Variants in KPNA3 observed in about 807,000 individuals in gnomAD.
The protein encoded by KPNA3 is importin subunit alpha-4.
In KPNA3, 13 loss-of-function variants were observed where a neutral mutation model predicts 73.8. That is an observed-to-expected ratio of 0.18 (90% CI 0.11 to 0.28). The LOEUF (loss-of-function observed/expected upper bound fraction) is 0.28. Ranked by LOEUF, KPNA3 falls within the 10% of genes least tolerant of loss-of-function variation. KPNA3 has a pLI of 1.00. For synonymous variants in KPNA3, 186 were observed against 206.9 expected, an observed-to-expected ratio of 0.90 and a Z score of 0.87; for missense variants, 360 against 618.1, an observed-to-expected ratio of 0.58 and a Z score of 4.43.
At chr13:49,709,789 G>A in intron 11 of KPNA3, 89 bp from the exon 12 acceptor site, 4 of 1,241,344 alleles carry the variant, frequency 3.2e-6, no homozygotes, top group Non-Finnish European at 4.4e-6. Flanking sequence ...AAGTAAAAAT[G>A]CAAGGCATAA....
At chr13:49,738,523 T>C (rs888175284) in intron 2 of KPNA3, among the ~76,000 whole-genome samples, 4 of 152,258 alleles carry the variant, frequency 2.6e-5, no homozygotes, top group Non-Finnish European at 5.9e-5. Context: ...TCTTGTTTCA[T>C]GTCTTTCACC....
chr13:49,755,711 A>T (rs1954704908), intron 1 of KPNA3, among the ~76,000 whole-genome samples: 1 of 152,174 alleles, frequency 6.6e-6, no homozygotes, highest in Non-Finnish European at 1.5e-5. Flanking sequence ...GAATCGCTTG[A>T]ACCCAGGAGG....
chr13:49,767,111 T>C (rs1479862458), intron 1 of KPNA3, among the ~76,000 whole-genome samples: 9 of 151,928 alleles, frequency 5.9e-5, no homozygotes, highest in Non-Finnish European at 1.0e-4. Flanking sequence ...CATGAAATAA[T>C]TTAATACAAG....
In KPNA3 at chr13:49,748,291, A is replaced by G. The variant is rs79296862; in HGVS notation, c.70-1298T>C. On this transcript the variant is annotated intron_variant, in intron 1 of 16. Transcript: ENST00000261667. ...ATGAAAATAAAAATAAGTTTGAGAT[A>G]GATGTTTTGTATCAAAAGGTAAGGT... Among the ~76,000 whole-genome samples, 175 of 152,130 alleles carry G rather than the reference A, an allele frequency of 1.2e-3. 1 individual carries two copies. Among genetic ancestry groups the G allele is most frequent in the African/African-American group, 4.1e-3 (168 of 41,392 alleles).
At chr13:49,778,930 T>C (rs1954919718) in intron 1 of KPNA3, among the ~76,000 whole-genome samples, 1 of 152,190 alleles carries the variant, frequency 6.6e-6, no homozygotes, top group Non-Finnish European at 1.5e-5. Flanking sequence ...AAGTGTGTTA[T>C]GATAAAACAC....
chr13:49,701,863 T>G lies in KPNA3; in HGVS notation c.1503A>C (p.Thr501=). 6.2e-7 allele frequency: 1 copy of G among 1,613,586 alleles called. No homozygotes were observed. The highest frequency in any genetic ancestry group is 8.5e-7 in the Non-Finnish European group (1 of 1,179,536). ...DEDPCLIPEA[T]QGGTYNFDPT... Reference sequence around the variant, plus strand: ...GATCAAAATTGTAGGTACCTCCTTGTGTTGCTTCAGGAATGAGGCAGGGAT... The same window carrying G: ...GATCAAAATTGTAGGTACCTCCTTGGGTTGCTTCAGGAATGAGGCAGGGAT... The change falls in exon 17 of 17, where the codon ACA becomes ACC. Residue 501 remains threonine (T), a synonymous_variant. Coordinates refer to ENST00000261667, the MANE Select transcript of KPNA3 (RefSeq NM_002267.4).
At chr13:49,782,040 C>T (rs1290788529) in intron 1 of KPNA3, among the ~76,000 whole-genome samples, 1 of 152,192 alleles carries the variant, frequency 6.6e-6, no homozygotes, top group African/African-American at 2.4e-5. Context: ...GTCTCAGTAT[C>T]AGCTCACTCA....
At chr13:49,743,895 T>C (rs990692711) in intron 2 of KPNA3, among the ~76,000 whole-genome samples, 2 of 152,184 alleles carry the variant, frequency 1.3e-5, no homozygotes, top group African/African-American at 4.8e-5. Flanking sequence ...CAGATGGCAA[T>C]AATTACTAAT....
At chr13:49,750,236 C>A (rs1364972144) in intron 1 of KPNA3, among the ~76,000 whole-genome samples, 2 of 152,180 alleles carry the variant, frequency 1.3e-5, no homozygotes, top group African/African-American at 4.8e-5. Flanking sequence ...TAGGTCCCAA[C>A]AGGAATGGTT....
intron 7 of KPNA3, among the ~76,000 whole-genome samples, chr13:49,724,798 T>A (rs1346962397): frequency 1.3e-5 from 2 of 152,104 alleles, no homozygotes; most frequent in African/African-American, 2.4e-5. Flanking sequence ...GATTTTGTCA[T>A]GTCACCTAGG....
chr13:49,721,008 C>A (rs1355548435), intron 9 of KPNA3, among the ~76,000 whole-genome samples: 3 of 152,010 alleles, frequency 2.0e-5, no homozygotes, highest in Non-Finnish European at 4.4e-5. Flanking sequence ...CACTTCAGGT[C>A]AGGAGTTTGA....
intron 1 of KPNA3, among the ~76,000 whole-genome samples, chr13:49,770,339 C>T (rs1054617827): frequency 1.4e-4 from 22 of 151,836 alleles, no homozygotes; most frequent in African/African-American, 5.3e-4. Context: ...CCACACCAGG[C>T]AAATTTTTAA....
intron 1 of KPNA3, among the ~76,000 whole-genome samples, chr13:49,752,006 C>T (rs1954667231): frequency 6.6e-6 from 1 of 152,158 alleles, no homozygotes; most frequent in Non-Finnish European, 1.5e-5. Flanking sequence ...CTACAGGATT[C>T]ATATGCATAT....
In KPNA3 at chr13:49,753,399, CA is replaced by C. The variant is rs374009143; in HGVS notation, c.70-6407del. Among the ~76,000 whole-genome samples the C allele has an allele frequency of 4.3e-3, 656 of 152,286 alleles. 3 individuals are homozygous for C. Among genetic ancestry groups the C allele is most frequent in the Middle Eastern group, 0.014 (4 of 294 alleles). On this transcript the variant is annotated intron_variant, in intron 1 of 16. Transcript: ENST00000261667. ...TCAGAACCACTAAATTTAAAGTATA[CA>C]AGTGGCAAAACAACTGTTATAAACA...
intron 2 of KPNA3, among the ~76,000 whole-genome samples, chr13:49,743,960 T>C (rs962423672): frequency 6.6e-6 from 1 of 152,188 alleles, no homozygotes; most frequent in South Asian, 2.1e-4. Flanking sequence ...AATCTTCATT[T>C]GGTGAATGAA....
chr13:49,768,072 GT>G (rs1954823101), intron 1 of KPNA3, among the ~76,000 whole-genome samples: 1 of 152,118 alleles, frequency 6.6e-6, no homozygotes, highest in African/African-American at 2.4e-5. Context: ...AAGGTCTGGA[GT>G]TTGAGATCAG....
At chr13:49,752,055 T>C (rs972263433) in intron 1 of KPNA3, among the ~76,000 whole-genome samples, 2 of 152,144 alleles carry the variant, frequency 1.3e-5, no homozygotes, top group South Asian at 2.1e-4. Flanking sequence ...TATGGGGCGA[T>C]TGAAGACCCT....
intron 10 of KPNA3, among the ~76,000 whole-genome samples, chr13:49,712,170 A>G (rs145614544): frequency 9.7e-4 from 147 of 152,316 alleles, no homozygotes; most frequent in African/African-American, 3.0e-3. Flanking sequence ...TTACCTAGAA[A>G]CAGGGGTCTC....
At chr13:49,704,438 TAAATA>T (rs1954184432) in intron 15 of KPNA3, among the ~76,000 whole-genome samples, 1 of 3,476 alleles carries the variant, frequency 2.9e-4, no homozygotes, top group South Asian at 5.3e-3. Flanking sequence ...AAATAAAAAA[TAAATA>T]AATAAATAAA....
Sources: gnomAD v4.1 joint callset for allele counts (sites outside exome capture counted in the v4.1 genomes callset) on GRCh38, gnomAD v4.1.1 for gene constraint, MANE v1.5 for transcripts, NCBI Gene and HGNC (gene_info 2026-07-23, HGNC 2026-07-21) for gene names.